The following ZNF283 variants were observed in gnomAD, a reference collection of about 807,000 sequenced individuals.
The protein encoded by ZNF283 is zinc finger protein 283, also known as zinc finger protein 41.
A neutral mutation model predicts 9.2 loss-of-function variants in ZNF283; 10 were observed. That is an observed-to-expected ratio of 1.09 (90% CI 0.67 to 1.85). ZNF283 has a LOEUF of 1.85. ZNF283 is among the 40% of genes most tolerant of loss of function. The pLI, the probability that ZNF283 is intolerant of heterozygous loss-of-function variation, is 0.00. For missense variants in ZNF283, 631 were observed against 760.1 expected (o/e 0.83, Z 2.00); for synonymous variants, 234 against 244.1 (o/e 0.96, Z 0.38).
In ZNF283 at chr19:43,847,685, CT is replaced by C; in HGVS notation, c.1086del (p.Thr363LeufsTer224). ...GAAGGCCTTCAGTCGTGGCTATCAG[CT>C]TACTCAGCATCAGAAAATCCATACT... Reference protein sequence around the residue: ...CGKAFSRGYQLTQHQKIHTGK... With the variant: ...CGKAFSRGYQXTQHQKIHTGK... On this transcript the variant is annotated frameshift_variant, in exon 7 of 7. Transcript: ENST00000618787. LOFTEE classifies it low-confidence loss of function (END_TRUNC). 1 of 1,613,542 alleles carries C rather than the reference CT, an allele frequency of 6.2e-7. No individual in the cohort carries two copies. Among genetic ancestry groups the C allele is most frequent in the Non-Finnish European group, 8.5e-7 (1 of 1,179,614 alleles).
At chr19:43,831,553 G>A (rs894025612) in intron 3 of ZNF283, among the ~76,000 whole-genome samples, 172 bp downstream of exon 3, 3 of 151,926 alleles carry the variant, frequency 2.0e-5, no homozygotes, top group African/African-American at 7.3e-5. Flanking sequence ...AAAACTCAGC[G>A]GTCCAGGAGA....
chr19:43,841,647 G>A (rs772350726), intron 6 of ZNF283, among the ~76,000 whole-genome samples: 5 of 152,038 alleles, frequency 3.3e-5, no homozygotes, highest in Non-Finnish European at 7.4e-5. Flanking sequence ...TGGCCAGGCT[G>A]GTTTTGATTT....
chr19:43,845,808 T>C (rs1050712425), intron 6 of ZNF283, among the ~76,000 whole-genome samples: 1 of 152,168 alleles, frequency 6.6e-6, no homozygotes, highest in African/African-American at 2.4e-5. Context: ...TTATATGACA[T>C]AGCATTTCCC....
At chr19:43,837,357 C>T (rs1173114129) in intron 6 of ZNF283, 178 bp downstream of exon 6, 8 of 566,844 alleles carry the variant, frequency 1.4e-5, no homozygotes, top group Non-Finnish European at 2.3e-5. Flanking sequence ...TGATCTTCCC[C>T]ATCCCTCAGT....
chr19:43,835,684 C>T, intron 5 of ZNF283, 92 bp downstream of exon 5: 2 of 1,006,106 alleles, frequency 2.0e-6, no homozygotes, highest in Admixed American at 4.2e-5. Context: ...AGAACTTCTC[C>T]ATAGACCCAA....
Position 43,847,363 on chromosome 19 carries a change from G to C in ZNF283, c.762G>C (p.Gln254His), listed in dbSNP as rs1396362201. ...YLSAYQLNVH[Q>H]RFHTGEKPYE... ...GTGCCTATCAACTCAATGTGCATCA[G>C]AGATTTCATACTGGTGAGAAACCCT... Residue 254 changes from glutamine (Q) to histidine (H), a missense_variant, in exon 7 of 7, where the codon CAG becomes CAC. Coordinates refer to ENST00000618787, the MANE Select transcript of ZNF283 (RefSeq NM_181845.2). 2 of 1,614,014 alleles carry C rather than the reference G, an allele frequency of 1.2e-6. No individual in the cohort carries two copies.
At chr19:43,840,317 A>C (rs1173103278) in intron 6 of ZNF283, among the ~76,000 whole-genome samples, 2 of 152,150 alleles carry the variant, frequency 1.3e-5, no homozygotes, top group Non-Finnish European at 2.9e-5. Flanking sequence ...AAATCAAGGC[A>C]GTTATCTGTG....
chr19:43,839,180 T>C (rs1295064134), intron 6 of ZNF283, among the ~76,000 whole-genome samples: 2 of 152,158 alleles, frequency 1.3e-5, no homozygotes, highest in East Asian at 3.8e-4. Context: ...ATGCCTTAAT[T>C]TCACCTTTAT....
At chr19:43,834,148 T>C (rs116907626) in intron 4 of ZNF283, among the ~76,000 whole-genome samples, 13 of 152,336 alleles carry the variant, frequency 8.5e-5, no homozygotes, top group Non-Finnish European at 1.9e-4. Context: ...ATCAGGTGAT[T>C]CAGTTATCTG....
At chr19:43,846,587 CATT>C (rs1971408505) in intron 6 of ZNF283, among the ~76,000 whole-genome samples, 2 of 152,108 alleles carry the variant, frequency 1.3e-5, no homozygotes, top group Non-Finnish European at 2.9e-5. Context: ...AGCCAAAGCT[CATT>C]ATGATAAGAA....
chr19:43,829,847 C>T (rs192071829), intron 2 of ZNF283, among the ~76,000 whole-genome samples: 1 of 152,158 alleles, frequency 6.6e-6, no homozygotes, highest in Non-Finnish European at 1.5e-5. Flanking sequence ...CATGGTGAAA[C>T]CCCGTCTCTA....
At position 43,848,606 on chromosome 19, in the gene ZNF283, TC is replaced by T; in HGVS notation, c.2006del (p.Ser669Ter). On this transcript the variant is annotated frameshift_variant, in exon 7 of 7. Transcript: ENST00000618787. LOFTEE classifies it low-confidence loss of function (END_TRUNC). ...GGAAGCCTTTCTGTGGACAACTTAC[TC>T]AAATGAGAAAATTGATACTGATGAA... ...CGEAFLWTTY[S>X]NEKIDTDETL is the part of the protein sequence containing the mutation. The T allele has an allele frequency of 6.4e-7, 1 of 1,572,838 alleles. No homozygotes were observed.
chr19:43,846,207 T>TA (rs571504772), intron 6 of ZNF283, among the ~76,000 whole-genome samples: 54 of 152,308 alleles, frequency 3.5e-4, no homozygotes, highest in African/African-American at 1.3e-3. Flanking sequence ...TTAAAATTGA[T>TA]AGACATTTAA....
intron 2 of ZNF283, 137 bp from the exon 3 acceptor site, chr19:43,831,181 T>C (rs1047615395): frequency 1.9e-6 from 1 of 532,128 alleles, no homozygotes; most frequent in Non-Finnish European, 3.3e-6. Flanking sequence ...CTTTAATTGG[T>C]CATTCACTGA....
At chr19:43,841,236 G>A (rs1481539704) in intron 6 of ZNF283, among the ~76,000 whole-genome samples, 1 of 151,872 alleles carries the variant, frequency 6.6e-6, no homozygotes, top group Admixed American at 6.6e-5. Flanking sequence ...TATCTCATCT[G>A]TTATCTTTTG....
At position 43,850,795 on chromosome 19, in the gene ZNF283, G is replaced by A. The variant is rs1971587498; in HGVS notation, c.*2154G>A. 1.3e-5 allele frequency: 2 copies of A among 152,166 alleles called. No individual in the cohort carries two copies. The highest frequency in any genetic ancestry group is 2.1e-4 in the South Asian group (1 of 4,834). 9.4% of individuals were successfully genotyped at this position (152,166 alleles called of 1,614,324 possible). A position where few individuals can be genotyped will look rare whatever the true frequency, so the allele number is the denominator to read the frequency against. Reference sequence around the variant, plus strand: ...GCTTCTTGCAACCACTTTCAACCAGGTGCCTGTCATGATTTAGTGCTAGCA... The same window carrying A: ...GCTTCTTGCAACCACTTTCAACCAGATGCCTGTCATGATTTAGTGCTAGCA... On this transcript the variant is annotated 3_prime_UTR_variant, in exon 7 of 7. Coordinates refer to ENST00000618787, the MANE Select transcript of ZNF283 (RefSeq NM_181845.2).
At chr19:43,828,340 G>C (rs1214477218) in intron 2 of ZNF283, 59 bp downstream of exon 2, 1 of 152,118 alleles carries the variant, frequency 6.6e-6, no homozygotes, top group African/African-American at 2.4e-5. Flanking sequence ...TTTGCTTCTA[G>C]GTCATGAGAA....
chr19:43,833,480 A>ATTTTTTTTTTTTTT (rs1599713145), intron 3 of ZNF283, 25 bp from the exon 4 acceptor site: 11 of 98,604 alleles, frequency 1.1e-4, no homozygotes, highest in Non-Finnish European at 1.7e-4. Flanking sequence ...TTCTTTACCT[A>ATTTTTTTTTTTTTT]TTTCTTTTTT....
chr19:43,844,754 A>C (rs1971344489), intron 6 of ZNF283, among the ~76,000 whole-genome samples: 1 of 152,160 alleles, frequency 6.6e-6, no homozygotes. Flanking sequence ...CACAACCAAG[A>C]ATGATTTGGG....
Sources: allele counts gnomAD v4.1 joint callset (sites outside exome capture counted in the v4.1 genomes callset), GRCh38; gene constraint gnomAD v4.1.1; transcripts MANE v1.5; gene names NCBI Gene and HGNC (gene_info 2026-07-23, HGNC 2026-07-21).